The following TLR5 variants were observed in gnomAD, a reference collection of about 807,000 sequenced individuals.
TLR5 encodes the protein toll like receptor 5.
For missense variants in TLR5, 944 were observed against 999.8 expected, an observed-to-expected ratio of 0.94 and a Z score of 0.75; for synonymous variants, 373 against 384.4, an observed-to-expected ratio of 0.97 and a Z score of 0.35.
rs851182 is a variant in TLR5 at position 223,132,574 on chromosome 1, T to C, written c.-104A>G. Reference sequence around the variant, plus strand: ...TTCAGTTCCTGAGACTATAGGAATCTCATCACAGTGATGGTAGTCAGTATT... The same window carrying C: ...TTCAGTTCCTGAGACTATAGGAATCCCATCACAGTGATGGTAGTCAGTATT... On this transcript the variant is annotated 5_prime_UTR_variant, in exon 5 of 6. Coordinates refer to ENST00000642603, the MANE Select transcript of TLR5 (RefSeq NM_003268.6). The C allele has an allele frequency of 6.6e-6, 1 of 152,276 alleles. No homozygotes were observed. Among genetic ancestry groups the C allele is most frequent in the South Asian group, 2.1e-4 (1 of 4,830 alleles). 9.4% of individuals were successfully genotyped at this position (152,276 alleles called of 1,614,324 possible). A position where few individuals can be genotyped will look rare whatever the true frequency, so the allele number is the denominator to read the frequency against.
chr1:223,141,852 GAGAGAA>G (rs1378473253), intron 1 of TLR5, 89 bp from the exon 2 acceptor site: 14 of 141,620 alleles, frequency 9.9e-5, no homozygotes, highest in South Asian at 6.9e-4. Context: ...GAGAGAGAGA[GAGAGAA>G]AGAGAGAGAG....
chr1:223,130,723 T>C (rs1657366345), intron 5 of TLR5, among the ~76,000 whole-genome samples: 1 of 152,208 alleles, frequency 6.6e-6, no homozygotes, highest in African/African-American at 2.4e-5. Context: ...GAAAAATCAT[T>C]TTGCATCTTT....
At chr1:223,133,333 T>C (rs1230617671) in intron 4 of TLR5, among the ~76,000 whole-genome samples, 1 of 152,150 alleles carries the variant, frequency 6.6e-6, no homozygotes, top group Non-Finnish European at 1.5e-5. Flanking sequence ...AAAACAAAAT[T>C]GAATATGCTG....
Position 223,111,673 on chromosome 1 carries a change from G to A in TLR5, c.1359C>T (p.Leu453=), listed in dbSNP as rs763471775. 13 of 1,614,050 alleles carry A rather than the reference G, an allele frequency of 8.1e-6. No individual in the cohort carries two copies. The highest frequency in any genetic ancestry group is 1.1e-5 in the Non-Finnish European group (13 of 1,180,036). ...AGGAGAAGCGATTTTGATTTAAAAT[G>A]AGAATCTGGAGATGAGGTACCCGTA... is the stretch of plus-strand genomic sequence containing the variant. ...FLLRVPHLQI[L]ILNQNRFSSC... Residue 453 remains leucine (L), a synonymous_variant, in exon 6 of 6, where the codon CTC becomes CTT. Coordinates refer to ENST00000642603, the MANE Select transcript of TLR5 (RefSeq NM_003268.6).
At position 223,112,428 on chromosome 1, in the gene TLR5, T is replaced by TA. The variant is rs1188578031; in HGVS notation, c.603dup (p.Ser202Ter). ...CTATACAAGCTATTAGCTGCGAGGC[T>TA]AAAAAAGGAGAGCGTTTTCCCTTGT... is the stretch of plus-strand genomic sequence containing the variant. On this transcript the variant is annotated frameshift_variant, in exon 6 of 6. Transcript: ENST00000642603. LOFTEE classifies it low-confidence loss of function (END_TRUNC). The TA allele has an allele frequency of 6.2e-7, 1 of 1,614,204 alleles. No homozygotes were observed.
At chr1:223,142,612 A>AG (rs1347002563) in intron 1 of TLR5, among the ~76,000 whole-genome samples, 2 of 152,184 alleles carry the variant, frequency 1.3e-5, no homozygotes, top group East Asian at 3.9e-4. Flanking sequence ...TGATCTTCAC[A>AG]GGCAGGCTTT....
chr1:223,133,122 G>A (rs1230595897), intron 4 of TLR5, among the ~76,000 whole-genome samples: 1 of 152,212 alleles, frequency 6.6e-6, no homozygotes, highest in East Asian at 1.9e-4. Context: ...TGTGTTAGAA[G>A]ACAGTGCACA....
intron 5 of TLR5, among the ~76,000 whole-genome samples, chr1:223,117,759 AG>A (rs1656750438): frequency 6.6e-6 from 1 of 152,180 alleles, no homozygotes; most frequent in African/African-American, 2.4e-5. Context: ...GTAATTTTGC[AG>A]GGATGATTTT....
In TLR5 at chr1:223,112,087, C is replaced by T. The variant is rs750257045; in HGVS notation, c.945G>A (p.Lys315=). 4 of 1,614,168 alleles carry T rather than the reference C, an allele frequency of 2.5e-6. No individual in the cohort carries two copies. The highest frequency in any genetic ancestry group is 3.4e-6 in the Non-Finnish European group (4 of 1,180,038). ...SRVFETLKDL[K]VLNLAYNKIN... ...TCTTGTTGTAGGCAAGGTTCAGAAC[C>T]TTCAAATCCTTGAGTGTCTCAAAGA... Residue 315 remains lysine, a synonymous_variant, in exon 6 of 6, where the codon AAG becomes AAA. Coordinates refer to ENST00000642603, the MANE Select transcript of TLR5 (RefSeq NM_003268.6).
At chr1:223,118,337 A>G (rs1207880894) in intron 5 of TLR5, among the ~76,000 whole-genome samples, 1 of 152,110 alleles carries the variant, frequency 6.6e-6, no homozygotes, top group African/African-American at 2.4e-5. Flanking sequence ...ACTTGAGGTC[A>G]GGGGTTGGAG....
chr1:223,140,546 C>CAAAAAA lies in TLR5; in HGVS notation c.-439+1096_-439+1101dup, dbSNP rs11388643. Among the ~76,000 whole-genome samples the CAAAAAA allele has an allele frequency of 1.7e-3, 205 of 122,612 alleles. 1 individual carries two copies. The highest frequency in any genetic ancestry group is 5.8e-3 in the African/African-American group (195 of 33,374). 80.4% of individuals were successfully genotyped at this position (122,612 alleles called of 152,430 possible). On this transcript the variant is annotated intron_variant, in intron 2 of 5. Transcript: ENST00000642603. Reference sequence around the variant, plus strand: ...TAGGTGACAGAGTGAGACTCTGTCTCAAAAAAAAAAAAAAAGGCATGGTTA... The same window carrying CAAAAAA: ...TAGGTGACAGAGTGAGACTCTGTCTCAAAAAAAAAAAAAAAAAAAAAGGCATGGTTA...
intron 1 of TLR5, among the ~76,000 whole-genome samples, chr1:223,142,642 A>G (rs1657926763): frequency 6.6e-6 from 1 of 152,032 alleles, no homozygotes; most frequent in Non-Finnish European, 1.5e-5. Context: ...CTCTCAACAT[A>G]AAGGCCAGCA....
chr1:223,134,265 C>CATTT (rs1414581289), intron 4 of TLR5: 1 of 152,138 alleles, frequency 6.6e-6, no homozygotes, highest in Admixed American at 6.5e-5. Flanking sequence ...AGGCAGCCAT[C>CATTT]ATTTACGCAA....
chr1:223,116,487 A>G (rs1453692277), intron 5 of TLR5, among the ~76,000 whole-genome samples: 1 of 152,166 alleles, frequency 6.6e-6, no homozygotes, highest in Non-Finnish European at 1.5e-5. Context: ...AGACCTTCAC[A>G]GTGAGTGTTA....
rs1369383459 is a variant in TLR5, at chr1:223,111,117, T to G, written c.1915A>C (p.Lys639Gln). The G allele has an allele frequency of 3.1e-6, 5 of 1,614,124 alleles. No individual in the cohort carries two copies. In the South Asian group the frequency reaches 4.4e-5, roughly 14 times the overall value. ...CDEEEVLKSL[K>Q]FSLFIVCTVT... is the part of the protein sequence containing the mutation. ...GTGCATACAATGAAAAGGGAGAACT[T>G]TAGGGACTTTAAGACTTCCTCTTCA... The change falls in exon 6 of 6, where the codon AAG becomes CAG. Residue 639 changes from lysine to glutamine, a missense_variant. Transcript: ENST00000642603.
intron 2 of TLR5, among the ~76,000 whole-genome samples, chr1:223,137,995 A>G (rs373320516): frequency 9.4e-6 from 1 of 106,458 alleles, no homozygotes; most frequent in Admixed American, 1.5e-4. Context: ...GTCTCACTGT[A>G]TCACCCAGAC....
At chr1:223,127,985 G>A (rs965522365) in intron 5 of TLR5, 1 of 152,240 alleles carries the variant, frequency 6.6e-6, no homozygotes, top group African/African-American at 2.4e-5. Context: ...TCTGGGGCTG[G>A]GACCTGGCAG....
Position 223,111,389 on chromosome 1 carries a change from G to A in TLR5, c.1643C>T (p.Ala548Val), listed in dbSNP as rs140469324. The A allele has an allele frequency of 2.5e-4, 408 of 1,614,182 alleles. 2 individuals carry two copies. In the African/African-American group the frequency reaches 4.3e-3, roughly 17 times the overall value. ...LTVLSHNDLP[A>V]NLEILDISRN... ...GGATATGTCCAGGATCTCTAAATTA[G>A]CAGGTAAATCATTGTGAGAAAGAAC... is the stretch of plus-strand genomic sequence containing the variant. The change falls in exon 6 of 6, where the codon GCT (alanine) becomes GTT (valine). Residue 548 changes from alanine to valine, a missense_variant. Coordinates refer to ENST00000642603, the MANE Select transcript of TLR5 (RefSeq NM_003268.6).
intron 5 of TLR5, chr1:223,127,638 G>A (rs1657223294): frequency 6.6e-6 from 1 of 152,214 alleles, no homozygotes; most frequent in Admixed American, 6.5e-5. Context: ...GAATTGCACT[G>A]CCATTAACCT....
Sources: gnomAD v4.1 joint callset for allele counts (sites outside exome capture counted in the v4.1 genomes callset) on GRCh38, gnomAD v4.1.1 for gene constraint, MANE v1.5 for transcripts, NCBI Gene and HGNC (gene_info 2026-07-23, HGNC 2026-07-21) for gene names.